Variants in LPL observed in about 807,000 individuals in gnomAD.
LPL encodes the protein phospholipase A1.
LPL carries 43 observed loss-of-function variants against 52.2 expected under a neutral mutation model. The observed-to-expected ratio is 0.82, with a 90% CI of 0.64 to 1.06. The LOEUF (loss-of-function observed/expected upper bound fraction) is 1.06. Ranked by LOEUF, LPL falls within the 50% of genes least tolerant of loss-of-function variation. The pLI is 0.00. For synonymous variants in LPL, 244 were observed against 215.6 expected, an observed-to-expected ratio of 1.13 and a Z score of -1.15; for missense variants, 639 against 585.3, an observed-to-expected ratio of 1.09 and a Z score of -0.95.
intron 7 of LPL, 64 bp downstream of exon 7, chr8:19,959,444 G>C: frequency 6.3e-7 from 1 of 1,591,578 alleles, no homozygotes; most frequent in Non-Finnish European, 8.6e-7. Flanking sequence ...CCCTTGGTCT[G>C]AGCAGCAGAA....
At chr8:19,952,064 A>G in intron 3 of LPL, 116 bp downstream of exon 3, 2 of 1,144,412 alleles carry the variant, frequency 1.7e-6, no homozygotes, top group Non-Finnish European at 2.6e-6. Flanking sequence ...GGGGGCATTC[A>G]AATCTTCAGA....
intron 2 of LPL, 175 bp downstream of exon 2, chr8:19,948,515 A>G: frequency 2.9e-6 from 2 of 701,548 alleles, no homozygotes; most frequent in Middle Eastern, 8.3e-4. Context: ...GGTTCATGAG[A>G]ACTCCCCCTA....
chr8:19,958,799 G>A (rs1341511043), intron 6 of LPL, among the ~76,000 whole-genome samples: 2 of 152,290 alleles, frequency 1.3e-5, no homozygotes, highest in East Asian at 1.9e-4. Context: ...TACAGTCAGG[G>A]TGGAGGACAG....
At chr8:19,956,710 G>C (rs2069989433) in intron 6 of LPL, among the ~76,000 whole-genome samples, 1 of 152,066 alleles carries the variant, frequency 6.6e-6, no homozygotes, top group African/African-American at 2.4e-5. Context: ...ATTGTCAAAG[G>C]CTGGTTTCAT....
In LPL at chr8:19,965,766, GA is replaced by G; in HGVS notation, c.*458del. 6.4e-6 allele frequency: 1 copy of G among 156,458 alleles called. No individual in the cohort carries two copies. 9.7% of individuals were successfully genotyped at this position (156,458 alleles called of 1,614,324 possible). A position where few individuals can be genotyped will look rare whatever the true frequency, so the allele number is the denominator to read the frequency against. ...TACAGAAAATGCTTTTCCGCGGCAC[GA>G]ATCAGACTCATCTACACAGCAGTAT... On this transcript the variant is annotated 3_prime_UTR_variant, in exon 10 of 10. Transcript: ENST00000650287.
chr8:19,948,222 G>A lies in LPL; in HGVS notation c.131G>A (p.Arg44Lys), dbSNP rs1212193771. ...GACATCGAAAGTAAATTTGCCCTAA[G>A]GACCCCTGAAGACACAGCTGAGGAC... ...FIDIESKFAL[R>K]TPEDTAEDTC... Residue 44 changes from arginine to lysine, a missense_variant, in exon 2 of 10, where the codon AGG becomes AAG. Transcript: ENST00000650287. 1 of 1,614,142 alleles carries A rather than the reference G, an allele frequency of 6.2e-7. No homozygotes were observed. The highest frequency in any genetic ancestry group is 1.7e-5 in the Admixed American group (1 of 60,022).
At chr8:19,964,154 G>C (rs1429439656) in intron 9 of LPL, among the ~76,000 whole-genome samples, 1 of 152,088 alleles carries the variant, frequency 6.6e-6, no homozygotes, top group African/African-American at 2.4e-5. Flanking sequence ...GTTTCACCAT[G>C]TTGGTCAGGC....
At chr8:19,945,595 A>C (rs1480086211) in intron 1 of LPL, among the ~76,000 whole-genome samples, 2 of 152,202 alleles carry the variant, frequency 1.3e-5, no homozygotes, top group African/African-American at 2.4e-5. Flanking sequence ...TGAGCCATAC[A>C]TGCAATCTGG....
intron 6 of LPL, among the ~76,000 whole-genome samples, chr8:19,956,466 A>T (rs1158853737): frequency 6.9e-6 from 1 of 143,956 alleles, no homozygotes; most frequent in African/African-American, 2.8e-5. Context: ...TAGTTTTTTT[A>T]AAACTTTTAA....
chr8:19,965,426 C>G lies in LPL; in HGVS notation c.*116C>G. Reference sequence around the variant, plus strand: ...TTGGGGTGTTTCAAAAGTGGATTTTCCTGAATATTAATCCCAGCCCTACCC... The same window carrying G: ...TTGGGGTGTTTCAAAAGTGGATTTTGCTGAATATTAATCCCAGCCCTACCC... On this transcript the variant is annotated 3_prime_UTR_variant, in exon 10 of 10. Coordinates refer to ENST00000650287, the MANE Select transcript of LPL (RefSeq NM_000237.3). 1.3e-6 allele frequency: 1 copy of G among 748,974 alleles called. No individual in the cohort carries two copies. Among genetic ancestry groups the G allele is most frequent in the South Asian group, 1.4e-5 (1 of 70,456 alleles). The allele number at this position is 748,974 out of a possible 1,614,324, so 46.4% of individuals were successfully genotyped here.
rs2069898868 is a variant in LPL, at chr8:19,948,079, T to C, written c.89-101T>C. On this transcript the variant is annotated intron_variant, in intron 1 of 9. Transcript: ENST00000650287. ...TTCGAAAACACTTCAGAAACAAAAA[T>C]AGCATCAGCGGTGGTTGCCTGTGAA... 2.4e-6 allele frequency: 3 copies of C among 1,254,084 alleles called. No homozygotes were observed. The African/African-American group carries it at 4.4e-5, about 19-fold the overall frequency. 77.7% of individuals were successfully genotyped at this position (1,254,084 alleles called of 1,614,324 possible).
intron 3 of LPL, among the ~76,000 whole-genome samples, chr8:19,952,240 C>T (rs1244018310): frequency 2.6e-5 from 4 of 152,184 alleles, no homozygotes; most frequent in Non-Finnish European, 4.4e-5. Flanking sequence ...TTGTGATTTT[C>T]GGACAGAGGA....
intron 6 of LPL, 67 bp downstream of exon 6, chr8:19,956,150 A>G (rs187035551): frequency 1.0e-4 from 166 of 1,600,538 alleles, no homozygotes; most frequent in Admixed American, 4.3e-4. Context: ...ACTGCATCAC[A>G]TGTACTGATT....
At chr8:19,961,151 T>G in intron 8 of LPL, 68 bp downstream of exon 8, 1 of 1,367,984 alleles carries the variant, frequency 7.3e-7, no homozygotes, top group Non-Finnish European at 1.0e-6. Flanking sequence ...GGGGCTGTAT[T>G]TCAGGGGCCT....
rs533849621 is a variant in LPL, at chr8:19,966,694, G to A, written c.*1384G>A. 2.6e-5 allele frequency: 4 copies of A among 152,350 alleles called. No individual in the cohort carries two copies. The highest frequency in any genetic ancestry group is 3.9e-4 in the East Asian group (2 of 5,186). 9.4% of individuals were successfully genotyped at this position (152,350 alleles called of 1,614,324 possible). ...AAGGGAAAACAGTCGATCAAGGGAT[G>A]TATTGGAACATGTCGGAGTAGAAAT... On this transcript the variant is annotated 3_prime_UTR_variant, in exon 10 of 10. Transcript: ENST00000650287.
chr8:19,957,918 A>T (rs906352981), intron 6 of LPL, among the ~76,000 whole-genome samples: 2 of 152,054 alleles, frequency 1.3e-5, no homozygotes, highest in Admixed American at 1.3e-4. Context: ...TTTAATAGAC[A>T]GTAACACAAA....
rs1411299337 is a variant in LPL, at chr8:19,950,767, G to A, written c.250-1002G>A. On this transcript the variant is annotated intron_variant, in intron 2 of 9. Coordinates refer to ENST00000650287, the MANE Select transcript of LPL (RefSeq NM_000237.3). The surrounding 1 kb of genome is among the most constrained non-coding windows in gnomAD (Gnocchi z 4.2). ...TGCACTGAGCTGAGATCATGCCACT[G>A]CACTCCAGCCTGGGCGAGACAGTAA... Among the ~76,000 whole-genome samples, 2 of 152,054 alleles carry A rather than the reference G, an allele frequency of 1.3e-5. No homozygotes were observed. The highest frequency in any genetic ancestry group is 2.9e-5 in the Non-Finnish European group (2 of 68,030).
intron 5 of LPL, among the ~76,000 whole-genome samples, chr8:19,954,835 G>C (rs2069969762): frequency 6.6e-6 from 1 of 152,114 alleles, no homozygotes; most frequent in Non-Finnish European, 1.5e-5. Context: ...TTGTTTGTTT[G>C]TTTTTTGAGA....
chr8:19,940,071 C>T (rs1239001774), intron 1 of LPL, among the ~76,000 whole-genome samples: 4 of 152,182 alleles, frequency 2.6e-5, no homozygotes, highest in African/African-American at 4.8e-5. Flanking sequence ...GCACGGGGTA[C>T]GCTCGCCCTC....
Sources: allele counts gnomAD v4.1 joint callset (sites outside exome capture counted in the v4.1 genomes callset), GRCh38; gene constraint gnomAD v4.1.1; non-coding constraint Gnocchi (gnomAD v3.1); transcripts MANE v1.5; gene names NCBI Gene and HGNC (gene_info 2026-07-23, HGNC 2026-07-21).